Variants in LCA5 observed in about 807,000 individuals in gnomAD.
LCA5 encodes lebercilin LCA5.
A neutral mutation model predicts 53.0 loss-of-function variants in LCA5; 37 were observed. That is an observed-to-expected ratio of 0.70 (90% CI 0.54 to 0.92). The LOEUF (loss-of-function observed/expected upper bound fraction) is 0.92. LCA5 is among the 40% of genes least tolerant of loss of function. The probability of loss-of-function intolerance (pLI) is 0.00; values close to 1 mark genes in which losing one functional copy is unlikely to be tolerated. For synonymous variants in LCA5, 303 were observed against 282.9 expected (o/e 1.07, Z -0.71); for missense variants, 806 against 790.5 (o/e 1.02, Z -0.23).
In LCA5 at chr6:79,518,801, A is replaced by G; in HGVS notation, c.94T>C (p.Ser32Pro). Residue 32 changes from serine to proline, a missense_variant, in exon 2 of 8, where the codon TCT becomes CCT. Transcript: ENST00000369846. ...CTGACCAGCGATGATCGGCCAGAAGACTGTGGCGTTTCAAAATCAGATAAG... is the reference window on the plus strand; with the variant it reads ...CTGACCAGCGATGATCGGCCAGAAGGCTGTGGCGTTTCAAAATCAGATAAG... ...SYLSDFETPQSSGRSSLVSSS... is the reference protein window; with the variant it reads ...SYLSDFETPQPSGRSSLVSSS... 1 of 1,614,082 alleles carries G rather than the reference A, an allele frequency of 6.2e-7. No homozygotes were observed. The highest frequency in any genetic ancestry group is 8.5e-7 in the Non-Finnish European group (1 of 1,179,986).
chr6:79,498,704 A>T (rs183453986), intron 3 of LCA5, among the ~76,000 whole-genome samples: 20 of 152,186 alleles, frequency 1.3e-4, no homozygotes, highest in Admixed American at 9.2e-4. Flanking sequence ...TTAAAATATT[A>T]AGAAGAATTT....
At chr6:79,508,274 T>C (rs899966577) in intron 3 of LCA5, among the ~76,000 whole-genome samples, 1 of 152,194 alleles carries the variant, frequency 6.6e-6, no homozygotes, top group Non-Finnish European at 1.5e-5. Flanking sequence ...GTTGTCCCCA[T>C]AGATACCTTT....
At chr6:79,510,984 T>C (rs1486092255) in intron 3 of LCA5, among the ~76,000 whole-genome samples, 1 of 151,560 alleles carries the variant, frequency 6.6e-6, no homozygotes, top group African/African-American at 2.4e-5. Context: ...TAAAAAATGA[T>C]ACCACTACTT....
At chr6:79,531,030 T>G (rs2127690097) in intron 1 of LCA5, among the ~76,000 whole-genome samples, 1 of 152,300 alleles carries the variant, frequency 6.6e-6, no homozygotes, top group Non-Finnish European at 1.5e-5. Flanking sequence ...GTCTTTCCTT[T>G]GCAAAGATTT....
chr6:79,538,022 T>TTTG (rs1279312375), upstream of LCA5, among the ~76,000 whole-genome samples: 10 of 64,450 alleles, frequency 1.6e-4, no homozygotes, highest in Admixed American at 3.8e-4. Flanking sequence ...ACACAAGTTT[T>TTTG]TTTTTTTTTT....
intron 3 of LCA5, among the ~76,000 whole-genome samples, chr6:79,509,816 T>A (rs1199143850): frequency 2.6e-5 from 4 of 152,160 alleles, no homozygotes; most frequent in African/African-American, 9.7e-5. Flanking sequence ...CAGATTTGTA[T>A]CCTGAAAATT....
Position 79,487,523 on chromosome 6 carries a change from T to C in LCA5, c.1575A>G (p.Gln525=), listed in dbSNP as rs151021081. The change falls in exon 8 of 8, where the codon CAA becomes CAG. Residue 525 remains glutamine (Q), a synonymous_variant. Transcript: ENST00000369846. ...SERLFNGHHL[Q]DISFSTPKGE... ...CTTTTGGAGTTGAGAAACTGATGTC[T>C]TGCAAATGATGCCCATTAAATAATC... is the stretch of plus-strand genomic sequence containing the variant. The C allele has an allele frequency of 5.6e-5, 91 of 1,614,052 alleles. No individual in the cohort carries two copies. In the African/African-American group the frequency reaches 1.1e-3, roughly 20 times the overall value.
intron 2 of LCA5, among the ~76,000 whole-genome samples, chr6:79,517,957 GCTACTTTTATTAATGGGTA>G (rs1201414791): frequency 6.6e-6 from 1 of 152,044 alleles, no homozygotes; most frequent in Non-Finnish European, 1.5e-5. Context: ...CTACTGCTGT[GCTACTTTTATTAATGGGTA>G]CTGTAATTAC....
At chr6:79,502,210 G>T (rs1770159773) in intron 3 of LCA5, among the ~76,000 whole-genome samples, 1 of 152,058 alleles carries the variant, frequency 6.6e-6, no homozygotes, top group Non-Finnish European at 1.5e-5. Flanking sequence ...AATCACATTT[G>T]CAAGGTTCTT....
At chr6:79,530,872 A>C (rs1766938531) in intron 1 of LCA5, among the ~76,000 whole-genome samples, 1 of 152,188 alleles carries the variant, frequency 6.6e-6, no homozygotes, top group Non-Finnish European at 1.5e-5. Context: ...AAAGACATAA[A>C]AAATTAGACC....
chr6:79,508,312 C>T (rs573495409), intron 3 of LCA5, among the ~76,000 whole-genome samples: 8 of 152,252 alleles, frequency 5.3e-5, no homozygotes, highest in South Asian at 2.1e-4. Flanking sequence ...ACCAGTTATC[C>T]ATTTCTAAAC....
At position 79,513,250 on chromosome 6, in the gene LCA5, C is replaced by A. The variant is rs753211045; in HGVS notation, c.682G>T (p.Ala228Ser). ...RDDLAKKLVSAELKLDDTERR... is the reference protein window; with the variant it reads ...RDDLAKKLVSSELKLDDTERR... ...TCGGTGTCATCTAACTTTAACTCTG[C>A]TGAAACTAGTTTCTTTGCCAAATCA... Residue 228 changes from alanine to serine, a missense_variant, in exon 3 of 8, where the codon GCA becomes TCA. By Grantham distance (99) the Ala-to-Ser change is moderately conservative. Coordinates refer to ENST00000369846, the MANE Select transcript of LCA5 (RefSeq NM_001122769.3). The A allele has an allele frequency of 1.9e-6, 3 of 1,613,560 alleles. No homozygotes were observed. In the South Asian group the frequency reaches 3.3e-5, roughly 18 times the overall value.
At chr6:79,500,097 T>C (rs1770095767) in intron 3 of LCA5, among the ~76,000 whole-genome samples, 1 of 151,942 alleles carries the variant, frequency 6.6e-6, no homozygotes, top group Admixed American at 6.6e-5. Context: ...AGTCTACCAT[T>C]GTTGGACATT....
chr6:79,513,263 C>A lies in LCA5; in HGVS notation c.669G>T (p.Lys223Asn), dbSNP rs1185420800. The part of the protein sequence containing the change: ...RHLPERDDLA[K>N]KLVSAELKLD... ...ACTTTAACTCTGCTGAAACTAGTTT[C>A]TTTGCCAAATCATCTCGTTCAGGTA... is the stretch of plus-strand genomic sequence containing the variant. The change falls in exon 3 of 8, where the codon AAG becomes AAT. Residue 223 changes from lysine (K) to asparagine (N), a missense_variant. Coordinates refer to ENST00000369846, the MANE Select transcript of LCA5 (RefSeq NM_001122769.3). 5 of 1,613,728 alleles carry A rather than the reference C, an allele frequency of 3.1e-6. No individual in the cohort carries two copies. In the South Asian group the frequency reaches 5.5e-5, roughly 18 times the overall value.
At chr6:79,528,344 A>G (rs903328095) in intron 1 of LCA5, among the ~76,000 whole-genome samples, 2 of 152,158 alleles carry the variant, frequency 1.3e-5, no homozygotes, top group African/African-American at 4.8e-5. Context: ...TTGTACCCAC[A>G]TCCCAAACAT....
intron 1 of LCA5, among the ~76,000 whole-genome samples, chr6:79,521,210 T>C (rs942801744): frequency 6.6e-6 from 1 of 152,180 alleles, no homozygotes; most frequent in Non-Finnish European, 1.5e-5. Flanking sequence ...AGAAGCTAGG[T>C]TTCTTTGTAT....
At chr6:79,505,892 G>T (rs187630405) in intron 3 of LCA5, among the ~76,000 whole-genome samples, 34 of 152,266 alleles carry the variant, frequency 2.2e-4, no homozygotes, top group African/African-American at 7.7e-4. Context: ...AGAGTAAAGG[G>T]AAGATAATGC....
At chr6:79,496,584 CA>C (rs1769989111) in intron 3 of LCA5, among the ~76,000 whole-genome samples, 1 of 152,102 alleles carries the variant, frequency 6.6e-6, no homozygotes, top group Admixed American at 6.6e-5. Context: ...TAAAATAATA[CA>C]TACTATATGA....
intron 2 of LCA5, among the ~76,000 whole-genome samples, chr6:79,517,439 T>G (rs1766471310): frequency 6.6e-6 from 1 of 152,126 alleles, no homozygotes; most frequent in African/African-American, 2.4e-5. Context: ...AACAGGCATT[T>G]TCTAAGGTTC....
Sources: gnomAD v4.1 joint callset for allele counts (sites outside exome capture counted in the v4.1 genomes callset) on GRCh38, gnomAD v4.1.1 for gene constraint, MANE v1.5 for transcripts, NCBI Gene and HGNC (gene_info 2026-07-23, HGNC 2026-07-21) for gene names.